Variants in CD96 observed in about 807,000 individuals in gnomAD.
The protein encoded by CD96 is CD96 molecule, also known as T-cell surface protein tactile.
A neutral mutation model predicts 71.3 loss-of-function variants in CD96; 70 were observed. The observed-to-expected ratio is 0.98, with a 90% CI of 0.81 to 1.20. The LOEUF (loss-of-function observed/expected upper bound fraction) is 1.20. Ranked by LOEUF, CD96 falls within the 50% of genes most tolerant of loss-of-function variation. CD96 has a pLI of 0.00. For missense variants in CD96, 742 were observed against 677.5 expected, an observed-to-expected ratio of 1.10 and a Z score of -1.06; for synonymous variants, 248 against 233.0, an observed-to-expected ratio of 1.06 and a Z score of -0.59.
At chr3:111,545,798 G>A (rs11928364) in intron 2 of CD96, among the ~76,000 whole-genome samples, 8,545 of 152,130 alleles carry the variant, frequency 0.056, 564 homozygotes, top group African/African-American at 0.15. Context: ...TCTTTGGAGT[G>A]TTTGAAGAAA....
At chr3:111,590,009 A>T (rs1936904806) in intron 5 of CD96, among the ~76,000 whole-genome samples, 1 of 152,228 alleles carries the variant, frequency 6.6e-6, no homozygotes, top group Non-Finnish European at 1.5e-5. Context: ...CACATAGTAT[A>T]CATTTCAGGA....
intron 2 of CD96, among the ~76,000 whole-genome samples, chr3:111,556,117 A>G (rs1935011772): frequency 6.6e-6 from 1 of 152,288 alleles, no homozygotes; most frequent in Non-Finnish European, 1.5e-5. Context: ...GCTTCATTTT[A>G]TAGCTTTCTA....
At chr3:111,613,114 C>T (rs1309650660) in intron 8 of CD96, among the ~76,000 whole-genome samples, 2 of 152,278 alleles carry the variant, frequency 1.3e-5, no homozygotes, top group East Asian at 1.9e-4. Flanking sequence ...CATCTGTCAC[C>T]TGTAAGTCAA....
intron 4 of CD96, among the ~76,000 whole-genome samples, chr3:111,581,263 G>A (rs550281564): frequency 1.4e-3 from 218 of 152,132 alleles, no homozygotes; most frequent in Middle Eastern, 3.4e-3. Flanking sequence ...TTGGCTGGGC[G>A]GGTTGTGTTT....
In CD96 at chr3:111,623,827, G is replaced by A; in HGVS notation, c.1249+5G>A. On this transcript the variant is annotated splice_donor_5th_base_variant and intron_variant, in intron 9 of 13. Coordinates refer to ENST00000352690, the MANE Select transcript of CD96 (RefSeq NM_005816.5). Reference sequence around the variant, plus strand: ...GGCCAAACACCACTCCTCAACGTGAGTTCAGCAAAGTTTTCCTACATGATT... The same window carrying A: ...GGCCAAACACCACTCCTCAACGTGAATTCAGCAAAGTTTTCCTACATGATT... 2.5e-6 allele frequency: 4 copies of A among 1,590,796 alleles called. No homozygotes were observed. The highest frequency in any genetic ancestry group is 2.2e-5 in the East Asian group (1 of 44,762).
intron 5 of CD96, among the ~76,000 whole-genome samples, chr3:111,585,853 T>C (rs771676890): frequency 6.6e-5 from 10 of 152,038 alleles, no homozygotes; most frequent in African/African-American, 9.7e-5. Context: ...ATGTCTTTGG[T>C]AGTAATGAAG....
chr3:111,553,134 T>C (rs1183962477), intron 2 of CD96, among the ~76,000 whole-genome samples: 1 of 140,902 alleles, frequency 7.1e-6, no homozygotes, highest in African/African-American at 2.6e-5. Flanking sequence ...TAGTATTTAA[T>C]ATTATTCAAT....
intron 14 of CD96, among the ~76,000 whole-genome samples, chr3:111,665,209 G>A (rs1314211450): frequency 6.6e-6 from 1 of 151,986 alleles, no homozygotes; most frequent in South Asian, 2.1e-4. Context: ...GTGTGTGTGT[G>A]TCTTTTAATA....
At chr3:111,585,091 A>G (rs542957766) in intron 4 of CD96, among the ~76,000 whole-genome samples, 41 of 152,240 alleles carry the variant, frequency 2.7e-4, no homozygotes, top group Non-Finnish European at 1.5e-5. Context: ...TTCCCATGAA[A>G]CTGTAGATTT....
chr3:111,650,018 A>G lies in CD96; in HGVS notation c.*212A>G. 1 of 582,332 alleles carries G rather than the reference A, an allele frequency of 1.7e-6. No individual in the cohort carries two copies. The highest frequency in any genetic ancestry group is 3.1e-6 in the Non-Finnish European group (1 of 320,650). The allele number at this position is 582,332 out of a possible 1,614,324, so 36.1% of individuals were successfully genotyped here. On this transcript the variant is annotated 3_prime_UTR_variant, in exon 14 of 14. Coordinates refer to ENST00000352690, the MANE Select transcript of CD96 (RefSeq NM_005816.5). ...AAGAGTGAGAGGATATGTCATGTTCACACTCAATGCAATTCGTAGTGGTTT... is the reference window on the plus strand; with the variant it reads ...AAGAGTGAGAGGATATGTCATGTTCGCACTCAATGCAATTCGTAGTGGTTT...
intron 10 of CD96, 58 bp from the exon 11 acceptor site, chr3:111,637,138 C>T: frequency 1.1e-6 from 1 of 874,902 alleles, no homozygotes; most frequent in Non-Finnish European, 2.0e-6. Context: ...AATTAGCAGT[C>T]AAGAAGTGGT....
intron 1 of CD96, among the ~76,000 whole-genome samples, chr3:111,543,455 G>A (rs1054480842): frequency 2.6e-5 from 4 of 151,998 alleles, no homozygotes; most frequent in African/African-American, 7.3e-5. Flanking sequence ...CTCTACCTAA[G>A]GTTAGATGAG....
At chr3:111,590,945 C>T (rs1023726397) in intron 5 of CD96, among the ~76,000 whole-genome samples, 7 of 152,034 alleles carry the variant, frequency 4.6e-5, no homozygotes, top group African/African-American at 1.7e-4. Context: ...TCACTCGCTA[C>T]CTTTGTTATG....
intron 6 of CD96, 35 bp downstream of exon 6, chr3:111,598,245 CA>C (rs1370361055): frequency 1.1e-6 from 1 of 890,940 alleles, no homozygotes; most frequent in African/African-American, 1.6e-5. Flanking sequence ...AAGTTCGGTA[CA>C]AAAAGAAAGA....
intron 8 of CD96, among the ~76,000 whole-genome samples, chr3:111,617,081 T>C (rs1938278370): frequency 6.6e-6 from 1 of 152,202 alleles, no homozygotes. Flanking sequence ...ATCCCCCACC[T>C]TGGCCCCCTC....
At position 111,550,196 on chromosome 3, in the gene CD96, G is replaced by A. The variant is rs563468332; in HGVS notation, c.418+4794G>A. On this transcript the variant is annotated intron_variant, in intron 2 of 13. Coordinates refer to ENST00000352690, the MANE Select transcript of CD96 (RefSeq NM_005816.5). ...TTCTAAGAAGATAAAATAGTTATTC[G>A]AATGTATTTTAAAACATGAAGTTTT... Among the ~76,000 whole-genome samples the A allele has an allele frequency of 5.8e-4, 89 of 152,248 alleles. 2 individuals carry two copies. The South Asian group carries it at 0.014, about 23-fold the overall frequency.
rs1473181865 is a variant in CD96, at chr3:111,570,920, G to A, written c.543+3273G>A. Reference sequence around the variant, plus strand: ...GAGGCATTTCCTGCTCAGTGCATGAGGCGCCAGCGTCAAAGTAGGGGGTCT... The same window carrying A: ...GAGGCATTTCCTGCTCAGTGCATGAAGCGCCAGCGTCAAAGTAGGGGGTCT... On this transcript the variant is annotated intron_variant, in intron 3 of 13. Transcript: ENST00000352690. 5.7e-6 allele frequency: 9 copies of A among 1,581,466 alleles called. No individual in the cohort carries two copies. The East Asian group carries it at 2.0e-4, about 35-fold the overall frequency.
chr3:111,638,224 T>G (rs2107757844), intron 12 of CD96, 56 bp downstream of exon 12: 2 of 1,073,012 alleles, frequency 1.9e-6, no homozygotes, highest in East Asian at 2.4e-5. Flanking sequence ...CAATAAATAT[T>G]TATCAAGTAC....
intron 2 of CD96, among the ~76,000 whole-genome samples, chr3:111,563,050 C>T (rs992948425): frequency 2.0e-5 from 3 of 152,300 alleles, no homozygotes; most frequent in Non-Finnish European, 2.9e-5. Context: ...GGGAGAAATG[C>T]CATGTCCTCA....
Sources: allele counts gnomAD v4.1 joint callset (sites outside exome capture counted in the v4.1 genomes callset), GRCh38; gene constraint gnomAD v4.1.1; transcripts MANE v1.5; gene names NCBI Gene and HGNC (gene_info 2026-07-23, HGNC 2026-07-21).